Variants in STAT5B observed in about 807,000 individuals in gnomAD.
STAT5B encodes signal transducer and activator of transcription 5B.
A neutral mutation model predicts 107.8 loss-of-function variants in STAT5B; 21 were observed. That is an observed-to-expected ratio of 0.19 (90% confidence interval 0.14 to 0.28). STAT5B has a LOEUF of 0.28. Among genes scored for constraint, STAT5B ranks in the 10% least tolerant of loss-of-function variants. The probability of loss-of-function intolerance (pLI) is 1.00; values close to 1 mark genes in which losing one functional copy is unlikely to be tolerated. For synonymous variants in STAT5B, 325 were observed against 401.7 expected, an observed-to-expected ratio of 0.81 and a Z score of 2.28; for missense variants, 565 against 1,008.2, an observed-to-expected ratio of 0.56 and a Z score of 5.95.
chr17:42,245,052 T>C (rs1271116457), intron 1 of STAT5B, among the ~76,000 whole-genome samples: 1 of 148,934 alleles, frequency 6.7e-6, no homozygotes, highest in Non-Finnish European at 1.5e-5. Context: ...TAGATAGGCA[T>C]CTGCCACCAA....
chr17:42,241,122 T>A (rs2080397979), intron 1 of STAT5B, among the ~76,000 whole-genome samples: 1 of 152,032 alleles, frequency 6.6e-6, no homozygotes, highest in South Asian at 2.1e-4. Flanking sequence ...GCAGATCACC[T>A]GAGGTTGGGA....
chr17:42,257,507 G>A (rs937703236), intron 1 of STAT5B, among the ~76,000 whole-genome samples: 7 of 152,230 alleles, frequency 4.6e-5, no homozygotes, highest in East Asian at 1.9e-4. Flanking sequence ...AAAACAAATC[G>A]GGTCCAATCA....
intron 1 of STAT5B, among the ~76,000 whole-genome samples, chr17:42,262,966 GTGTGTATATATATATATATATATA>G (rs1219612677): frequency 1.3e-4 from 5 of 38,752 alleles, no homozygotes; most frequent in Non-Finnish European, 1.8e-4. Context: ...GTGTGTGTGT[GTGTGTATATATATATATATATATA>G]TATATATATA....
chr17:42,263,873 A>G (rs72820897), intron 1 of STAT5B, among the ~76,000 whole-genome samples: 856 of 17,986 alleles, frequency 0.048, 4 homozygotes, highest in Non-Finnish European at 0.074. Flanking sequence ...GAAAGCGCGC[A>G]CACACACACA....
chr17:42,288,118 C>T, the STAT5B span: 8 of 152,398 alleles, frequency 5.2e-5, no homozygotes, highest in African/African-American at 1.9e-4. The surrounding 1 kb of genome is among the most constrained non-coding windows in gnomAD (Gnocchi z 4.8). Context: ...CTTTTCCCTC[C>T]TCCCTTTTTG....
rs149614939 is a variant in STAT5B, at chr17:42,223,477, C to G, written c.455G>C (p.Arg152Pro). 2 of 1,614,154 alleles carry G rather than the reference C, an allele frequency of 1.2e-6. No individual in the cohort carries two copies. Among genetic ancestry groups the G allele is most frequent in the South Asian group, 1.1e-5 (1 of 91,082 alleles). Residue 152 changes from arginine to proline, a missense_variant, in exon 5 of 19, where the codon CGA (arginine) becomes CCA (proline). This residue lies in a region of STAT5B where 54 missense variants were observed against 49.7 expected (regional missense o/e 1.09). Coordinates refer to ENST00000293328, the MANE Select transcript of STAT5B (RefSeq NM_012448.4). ...LQINQTFEEL[R>P]LVTQDTENEL... Reference sequence around the variant, plus strand: ...ATTCTCTGTGTCCTGCGTGACCAGTCGCAGCTCCTCAAACGTCTGGTTGAT... The same window carrying G: ...ATTCTCTGTGTCCTGCGTGACCAGTGGCAGCTCCTCAAACGTCTGGTTGAT...
chr17:42,233,995 C>T (rs1464158308), intron 1 of STAT5B: 1 of 152,162 alleles, frequency 6.6e-6, no homozygotes, highest in Non-Finnish European at 1.5e-5. Context: ...CTTGCTCTAA[C>T]ACTATTTTCC....
chr17:42,209,426 A>C (rs2080111549), intron 15 of STAT5B, among the ~76,000 whole-genome samples: 1 of 152,232 alleles, frequency 6.6e-6, no homozygotes, highest in South Asian at 2.1e-4. Context: ...GTCAGAGGAG[A>C]GAACTAACTT....
At position 42,200,092 on chromosome 17, in the gene STAT5B, T is replaced by C. The variant is rs181312613; in HGVS notation, c.*1646A>G. The C allele has an allele frequency of 6.6e-6, 1 of 152,638 alleles. No individual in the cohort carries two copies. The highest frequency in any genetic ancestry group is 2.4e-5 in the African/African-American group (1 of 41,476). 9.5% of individuals were successfully genotyped at this position (152,638 alleles called of 1,614,324 possible). On this transcript the variant is annotated 3_prime_UTR_variant, in exon 19 of 19. Transcript: ENST00000293328. ...GACTCTACTGCCTGGCATAGAAAAA[T>C]AAATCAGTGTATGAAACCAAGCCAA... is the stretch of plus-strand genomic sequence containing the variant.
At chr17:42,263,866 A>AGCGCGCGCGC (rs200810500) in intron 1 of STAT5B, among the ~76,000 whole-genome samples, 17 of 93,162 alleles carry the variant, frequency 1.8e-4, no homozygotes, top group African/African-American at 6.3e-4. Flanking sequence ...GATACTAGAA[A>AGCGCGCGCGC]GCGCGCACAC....
intron 1 of STAT5B, among the ~76,000 whole-genome samples, chr17:42,267,753 G>C (rs1318666547): frequency 6.6e-6 from 1 of 152,094 alleles, no homozygotes; most frequent in East Asian, 1.9e-4. Context: ...GAGGTCAGAA[G>C]TTTGAGACCA....
chr17:42,260,632 G>A (rs763247127), intron 1 of STAT5B, among the ~76,000 whole-genome samples: 20 of 151,954 alleles, frequency 1.3e-4, no homozygotes, highest in Non-Finnish European at 2.5e-4. Flanking sequence ...GGCTGGTCTC[G>A]AACTCCTGGA....
rs548933669 is a variant in STAT5B at position 42,199,812 on chromosome 17, C to G, written c.*1926G>C. On this transcript the variant is annotated 3_prime_UTR_variant, in exon 19 of 19. Coordinates refer to ENST00000293328, the MANE Select transcript of STAT5B (RefSeq NM_012448.4). ...GCCCTGGGGTGGGTCCACTCCCAACCTGAAAGTGTATCAAGTCTGACCCCC... is the reference window on the plus strand; with the variant it reads ...GCCCTGGGGTGGGTCCACTCCCAACGTGAAAGTGTATCAAGTCTGACCCCC... The G allele has an allele frequency of 3.3e-5, 5 of 152,478 alleles. No individual in the cohort carries two copies. Among genetic ancestry groups the G allele is most frequent in the Non-Finnish European group, 7.3e-5 (5 of 68,054 alleles). The allele number at this position is 152,478 out of a possible 1,614,324, so 9.4% of individuals were successfully genotyped here. A position where few individuals can be genotyped will look rare whatever the true frequency, so the allele number is the denominator to read the frequency against.
intron 1 of STAT5B, among the ~76,000 whole-genome samples, chr17:42,232,467 T>C (rs2080325239): frequency 6.6e-6 from 1 of 152,126 alleles, no homozygotes; most frequent in African/African-American, 2.4e-5. Context: ...CAGGCTGGTC[T>C]CGAACTCCTG....
chr17:42,252,661 G>A (rs937149392), intron 1 of STAT5B, among the ~76,000 whole-genome samples: 2 of 152,072 alleles, frequency 1.3e-5, no homozygotes, highest in Non-Finnish European at 2.9e-5. Context: ...AGGAATAATG[G>A]GAGTGAATCA....
intron 17 of STAT5B, 119 bp from the exon 18 acceptor site, chr17:42,202,566 C>G: frequency 6.9e-7 from 1 of 1,439,348 alleles, no homozygotes; most frequent in Non-Finnish European, 9.7e-7. Context: ...GTGCCCCACT[C>G]GGCCCTGGGG....
At chr17:42,220,415 G>A (rs950162030) in intron 5 of STAT5B, among the ~76,000 whole-genome samples, 1 of 152,176 alleles carries the variant, frequency 6.6e-6, no homozygotes, top group African/African-American at 2.4e-5. Flanking sequence ...GAGAGAAGAG[G>A]TGACAGAGAC....
chr17:42,227,393 AGACC>A, intron 3 of STAT5B, 132 bp downstream of exon 3: 2 of 1,225,432 alleles, frequency 1.6e-6, no homozygotes, highest in Non-Finnish European at 2.2e-6. Flanking sequence ...AAAAAAAAAA[AGACC>A]AAAACCACAC....
At chr17:42,263,521 T>C (rs2080636684) in intron 1 of STAT5B, among the ~76,000 whole-genome samples, 1 of 152,102 alleles carries the variant, frequency 6.6e-6, no homozygotes, top group Non-Finnish European at 1.5e-5. Flanking sequence ...ATCTGTTTTT[T>C]TGTTTGTTTT....
Sources: gnomAD v4.1 joint callset for allele counts (sites outside exome capture counted in the v4.1 genomes callset) on GRCh38, gnomAD v4.1.1 for gene constraint, gnomAD v4.1.1 regional missense constraint, Gnocchi (gnomAD v3.1) non-coding constraint, MANE v1.5 for transcripts, NCBI Gene and HGNC (gene_info 2026-07-23, HGNC 2026-07-21) for gene names.